VRK2: variants seen among roughly 807,000 people sequenced by gnomAD.
VRK2 encodes the protein serine/threonine-protein kinase VRK2.
Under a neutral mutation model 57.6 loss-of-function variants are expected in VRK2, and 60 were observed. The ratio of observed to expected loss-of-function variants is 1.04; its 90% CI spans 0.85 to 1.29. The LOEUF (loss-of-function observed/expected upper bound fraction) is 1.29, where lower values mean the gene tolerates loss of function less well. Ranked by LOEUF, VRK2 falls within the 50% of genes most tolerant of loss-of-function variation. The pLI is 0.00. For synonymous variants in VRK2, 231 were observed against 199.2 expected, an observed-to-expected ratio of 1.16 and a Z score of -1.35; for missense variants, 705 against 588.1, an observed-to-expected ratio of 1.20 and a Z score of -2.06.
chr2:58,122,423 G>A (rs1677656971), intron 7 of VRK2, among the ~76,000 whole-genome samples: 1 of 152,138 alleles, frequency 6.6e-6, no homozygotes, highest in African/African-American at 2.4e-5. Context: ...ATAGTTACAT[G>A]TATTATACAT....
chr2:58,134,709 C>T (rs1679751078), intron 9 of VRK2, among the ~76,000 whole-genome samples: 1 of 151,826 alleles, frequency 6.6e-6, no homozygotes. Flanking sequence ...TTTGTCCAGT[C>T]ACATTCCTAC....
chr2:58,022,891 T>G (rs546439193), intron 1 of VRK2, among the ~76,000 whole-genome samples: 1 of 152,186 alleles, frequency 6.6e-6, no homozygotes, highest in Non-Finnish European at 1.5e-5. Flanking sequence ...GAAAAAAATA[T>G]GAGGAAGTTT....
intron 2 of VRK2, among the ~76,000 whole-genome samples, chr2:58,073,818 G>A (rs909042003): frequency 1.3e-5 from 2 of 151,950 alleles, no homozygotes; most frequent in Non-Finnish European, 2.9e-5. Context: ...TTCGAGGGCA[G>A]GAAGCATCCA....
intron 1 of VRK2, among the ~76,000 whole-genome samples, chr2:57,920,846 A>G (rs745399420): frequency 6.6e-6 from 1 of 152,106 alleles, no homozygotes; most frequent in Non-Finnish European, 1.5e-5. Flanking sequence ...GGCTGCCTCA[A>G]TCATCCACTT....
rs576557424 is a variant in VRK2, at chr2:57,984,800, C to T, written c.-438-40865C>T. On this transcript the variant is annotated intron_variant, in intron 1 of 15. Transcript: ENST00000417641. ...TATTTTTGGTTACTATTACTGTTTA[C>T]CCCCCAAAAGAAAAACAACTAGAAA... Among the ~76,000 whole-genome samples, 5 of 151,842 alleles carry T rather than the reference C, an allele frequency of 3.3e-5. No individual in the cohort carries two copies. In the East Asian group the frequency reaches 5.8e-4, roughly 18 times the overall value.
chr2:58,128,016 G>A (rs1273249554), intron 8 of VRK2, among the ~76,000 whole-genome samples: 2 of 152,000 alleles, frequency 1.3e-5, no homozygotes, highest in Non-Finnish European at 2.9e-5. Flanking sequence ...CTTATCTGTT[G>A]TTCTTATACC....
intron 8 of VRK2, among the ~76,000 whole-genome samples, chr2:58,126,619 T>A (rs558573574): frequency 5.3e-5 from 8 of 152,242 alleles, no homozygotes; most frequent in East Asian, 1.9e-4. Flanking sequence ...TATGTTTTTT[T>A]AAAAATTGTG....
intron 7 of VRK2, among the ~76,000 whole-genome samples, chr2:58,094,291 C>T (rs1672807428): frequency 1.3e-5 from 2 of 152,142 alleles, no homozygotes; most frequent in South Asian, 4.1e-4. Flanking sequence ...TTCTTCCTAT[C>T]CATGAGCATG....
At chr2:58,043,469 C>T (rs182503742), upstream of VRK2, among the ~76,000 whole-genome samples, 11 of 152,244 alleles carry the variant, frequency 7.2e-5, no homozygotes, top group Non-Finnish European at 1.5e-4. Context: ...CCCAGCTCTT[C>T]GATTTCGAAT....
intron 12 of VRK2, among the ~76,000 whole-genome samples, chr2:58,155,519 C>G (rs754807008): frequency 4.6e-5 from 7 of 152,184 alleles, no homozygotes; most frequent in East Asian, 1.9e-4. Flanking sequence ...GGGGGACCAC[C>G]TCAGTAGTAC....
chr2:57,921,105 T>C (rs185648184), intron 1 of VRK2, among the ~76,000 whole-genome samples: 1 of 152,164 alleles, frequency 6.6e-6, no homozygotes, highest in East Asian at 1.9e-4. Flanking sequence ...TGCTTTTTTC[T>C]TGCTAGCTAC....
At chr2:58,136,763 A>ATATATATCATATATATGTG (rs1680083969) in intron 10 of VRK2, among the ~76,000 whole-genome samples, 3 of 145,630 alleles carry the variant, frequency 2.1e-5, no homozygotes, top group African/African-American at 7.7e-5. Flanking sequence ...TCATTAACAT[A>ATATATATCATATATATGTG]TATATATATC....
intron 1 of VRK2, among the ~76,000 whole-genome samples, chr2:57,952,077 C>CAT (rs1172306451): frequency 1.3e-5 from 2 of 151,582 alleles, no homozygotes; most frequent in East Asian, 1.9e-4. Context: ...AAAATTAAGA[C>CAT]ATATATATCT....
intron 1 of VRK2, among the ~76,000 whole-genome samples, chr2:57,976,992 A>G (rs1052602781): frequency 2.0e-5 from 3 of 151,596 alleles, no homozygotes; most frequent in Admixed American, 6.6e-5. Flanking sequence ...TCCTTTCCCT[A>G]TTGTCAACTT....
At chr2:58,070,012 G>A (rs2103978579) in intron 2 of VRK2, among the ~76,000 whole-genome samples, 1 of 152,180 alleles carries the variant, frequency 6.6e-6, no homozygotes, top group South Asian at 2.1e-4. Flanking sequence ...GCAATTTCAG[G>A]TTTGTGGAAA....
intron 3 of VRK2, among the ~76,000 whole-genome samples, chr2:58,034,861 G>A (rs1298976104): frequency 6.6e-6 from 1 of 151,650 alleles, no homozygotes; most frequent in East Asian, 1.9e-4. Flanking sequence ...TATTCTAAAC[G>A]CTTGGTGGTT....
At chr2:58,137,161 T>TG (rs376212590) in intron 10 of VRK2, among the ~76,000 whole-genome samples, 3 of 12,014 alleles carry the variant, frequency 2.5e-4, no homozygotes, top group Admixed American at 1.5e-3. Flanking sequence ...TGTGTTTATA[T>TG]ATATCATATA....
At chr2:58,138,023 G>T (rs761661734) in intron 10 of VRK2, among the ~76,000 whole-genome samples, 1 of 152,064 alleles carries the variant, frequency 6.6e-6, no homozygotes, top group Admixed American at 6.6e-5. Flanking sequence ...TCCCATGAAG[G>T]CTTTGCAGCA....
chr2:58,098,828 T>C (rs749869477), intron 7 of VRK2, among the ~76,000 whole-genome samples: 3 of 152,110 alleles, frequency 2.0e-5, no homozygotes, highest in Non-Finnish European at 4.4e-5. Flanking sequence ...AAAAATCCAT[T>C]TTAACTAACT....
Sources: gnomAD v4.1 joint callset for allele counts (sites outside exome capture counted in the v4.1 genomes callset) on GRCh38, gnomAD v4.1.1 for gene constraint, MANE v1.5 for transcripts, NCBI Gene and HGNC (gene_info 2026-07-23, HGNC 2026-07-21) for gene names.